Variants in TRAPPC10 observed in about 807,000 individuals in gnomAD.
TRAPPC10 encodes trafficking protein particle complex subunit 10, also known as TRAPP 130 kDa subunit.
A neutral mutation model predicts 125.5 loss-of-function variants in TRAPPC10; 23 were observed. The observed-to-expected ratio is 0.18, with a 90% CI of 0.13 to 0.26. TRAPPC10 has a LOEUF of 0.26. Ranked by LOEUF, TRAPPC10 falls within the 10% of genes least tolerant of loss-of-function variation. TRAPPC10 has a pLI of 1.00. For synonymous variants in TRAPPC10, 509 were observed against 518.0 expected (o/e 0.98, Z 0.24); for missense variants, 1,123 against 1,308.4 (o/e 0.86, Z 2.19).
At chr21:44,072,456 C>G (rs1254211726) in intron 7 of TRAPPC10, among the ~76,000 whole-genome samples, 1 of 152,000 alleles carries the variant, frequency 6.6e-6, no homozygotes, top group Non-Finnish European at 1.5e-5. Context: ...CTCGTGGTCT[C>G]CTAGGAGGTG....
intron 19 of TRAPPC10, 120 bp from the exon 20 acceptor site, chr21:44,093,943 C>T (rs1287377131): frequency 2.6e-5 from 27 of 1,039,022 alleles, no homozygotes; most frequent in South Asian, 2.1e-4. Flanking sequence ...TGCTGTGAGG[C>T]GGGGCCTGCC....
chr21:44,078,479 G>T (rs553877437), intron 11 of TRAPPC10, among the ~76,000 whole-genome samples: 74 of 149,544 alleles, frequency 4.9e-4, no homozygotes, highest in Non-Finnish European at 9.7e-4. Context: ...ATGAGATCTT[G>T]AAATCTGTAC....
chr21:44,076,446 A>G, intron 9 of TRAPPC10, 106 bp from the exon 10 acceptor site: 3 of 812,636 alleles, frequency 3.7e-6, no homozygotes. Context: ...GTAATTTCAC[A>G]AGAGTCAGAT....
intron 2 of TRAPPC10, among the ~76,000 whole-genome samples, chr21:44,033,156 C>T (rs1172363185): frequency 2.0e-5 from 3 of 152,130 alleles, no homozygotes; most frequent in Admixed American, 1.3e-4. Context: ...TGGATTTTGT[C>T]TTGTAACATA....
chr21:44,074,412 C>T lies in TRAPPC10; in HGVS notation c.1127C>T (p.Ala376Val), dbSNP rs779405137. Residue 376 changes from alanine to valine, a missense_variant, in exon 8 of 23, where the codon GCA becomes GTA. Transcript: ENST00000291574. ...AGGATAGAAGGCTGCTGTGACCGGG[C>T]ACAGATCGACTCAAACATTGCCCAC... is the stretch of plus-strand genomic sequence containing the variant. ...LQRIEGCCDR[A>V]QIDSNIAHTV... 1.2e-6 allele frequency: 2 copies of T among 1,614,102 alleles called. No homozygotes were observed. Among genetic ancestry groups the T allele is most frequent in the African/African-American group, 1.3e-5 (1 of 74,926 alleles).
At position 44,089,978 on chromosome 21, in the gene TRAPPC10, T is replaced by C. The variant is rs373597627; in HGVS notation, c.2870+45T>C. 2.7e-6 allele frequency: 4 copies of C among 1,465,528 alleles called. No individual in the cohort carries two copies. The African/African-American group carries it at 5.6e-5, about 20-fold the overall frequency. 90.8% of individuals were successfully genotyped at this position (1,465,528 alleles called of 1,614,324 possible). On this transcript the variant is annotated intron_variant, in intron 18 of 22. Coordinates refer to ENST00000291574, the MANE Select transcript of TRAPPC10 (RefSeq NM_003274.5). ...CGGGCCCTGGCTTCTTTCCCCAGACTCTTCTAAGTGGAGGTTCCTAATGTT... is the reference window on the plus strand; with the variant it reads ...CGGGCCCTGGCTTCTTTCCCCAGACCCTTCTAAGTGGAGGTTCCTAATGTT...
intron 8 of TRAPPC10, 107 bp downstream of exon 8, chr21:44,074,577 G>C: frequency 2.1e-6 from 3 of 1,450,090 alleles, no homozygotes; most frequent in Non-Finnish European, 2.8e-6. Flanking sequence ...TTTAGATCAC[G>C]ATGCATCCAC....
chr21:44,019,264 C>T (rs936137300), intron 1 of TRAPPC10, among the ~76,000 whole-genome samples: 8 of 152,120 alleles, frequency 5.3e-5, no homozygotes, highest in Non-Finnish European at 1.0e-4. Flanking sequence ...TGCCCAGGCA[C>T]GTTTTGAACT....
intron 7 of TRAPPC10, among the ~76,000 whole-genome samples, chr21:44,067,716 G>C (rs2036554792): frequency 6.6e-6 from 1 of 152,188 alleles, no homozygotes; most frequent in Admixed American, 6.5e-5. Context: ...GACTGTAAGG[G>C]AGGGAAAGGC....
intron 3 of TRAPPC10, among the ~76,000 whole-genome samples, chr21:44,042,032 T>C (rs974353822): frequency 5.3e-5 from 8 of 152,190 alleles, no homozygotes; most frequent in African/African-American, 1.9e-4. Context: ...TTTCTTATTT[T>C]GTATATTTGT....
At chr21:44,070,044 TGA>T (rs1214257948) in intron 7 of TRAPPC10, among the ~76,000 whole-genome samples, 1 of 152,028 alleles carries the variant, frequency 6.6e-6, no homozygotes, top group Non-Finnish European at 1.5e-5. Context: ...AAGTTCACGG[TGA>T]AGCTACACCA....
intron 1 of TRAPPC10, among the ~76,000 whole-genome samples, chr21:44,028,763 G>T (rs1325020002): frequency 2.0e-5 from 3 of 152,238 alleles, no homozygotes; most frequent in African/African-American, 4.8e-5. Flanking sequence ...GCAGAACAGT[G>T]AACTGGGTGA....
In TRAPPC10 at chr21:44,086,923, G is replaced by T; in HGVS notation, c.2502G>T (p.Gln834His). ...CCGAAGCCATGCTCATCCTGTGCCA[G>T]GCGGAGAGCAGGGCTGTGGTCTACT... ...SNAEAMLILC[Q>H]AESRAVVYSN... The change falls in exon 16 of 23, where the codon CAG becomes CAT. Residue 834 changes from glutamine (Q) to histidine (H), a missense_variant. Physicochemically the swap from Gln to His is conservative, Grantham distance 24 (BLOSUM62 0). This residue lies in a region of TRAPPC10 where 840 missense variants were observed against 902.0 expected (regional missense o/e 0.93). Coordinates refer to ENST00000291574, the MANE Select transcript of TRAPPC10 (RefSeq NM_003274.5). 6.2e-7 allele frequency: 1 copy of T among 1,614,212 alleles called. No individual in the cohort carries two copies. Among genetic ancestry groups the T allele is most frequent in the Non-Finnish European group, 8.5e-7 (1 of 1,180,042 alleles).
chr21:44,031,088 C>G (rs2033543311), intron 1 of TRAPPC10, among the ~76,000 whole-genome samples: 2 of 152,212 alleles, frequency 1.3e-5, no homozygotes, highest in African/African-American at 4.8e-5. Context: ...GCCTTGCCCA[C>G]TCACCGTGCC....
chr21:44,048,797 G>GTTT (rs34892092), intron 3 of TRAPPC10, among the ~76,000 whole-genome samples: 90 of 105,586 alleles, frequency 8.5e-4, no homozygotes, highest in African/African-American at 2.6e-3. Context: ...CCCACCCTGT[G>GTTT]TTTTTTTTTT....
In TRAPPC10 at chr21:44,063,487, G is replaced by A. The variant is rs756944464; in HGVS notation, c.791-51G>A. 2 of 1,594,022 alleles carry A rather than the reference G, an allele frequency of 1.3e-6. No individual in the cohort carries two copies. The highest frequency in any genetic ancestry group is 2.3e-5 in the South Asian group (2 of 87,466). On this transcript the variant is annotated intron_variant, in intron 6 of 22. Transcript: ENST00000291574. This position sits in a 1 kb window ranked among gnomAD's most constrained non-coding sequence, Gnocchi z 4.4. ...ATCCTCAGCCTGAGCAGGAAGCTCA[G>A]GAAGGTGAAGTACCTGCAATCAGCA...
At chr21:44,030,857 G>T (rs542761001) in intron 1 of TRAPPC10, among the ~76,000 whole-genome samples, 11 of 152,364 alleles carry the variant, frequency 7.2e-5, no homozygotes, top group Admixed American at 3.9e-4. Flanking sequence ...TTAACAAAAT[G>T]TAGTAATAGT....
intron 5 of TRAPPC10, among the ~76,000 whole-genome samples, chr21:44,056,604 A>G (rs1474377730): frequency 6.6e-6 from 1 of 152,216 alleles, no homozygotes; most frequent in Non-Finnish European, 1.5e-5. Flanking sequence ...GTAAAAAATG[A>G]TCATCTCACG....
chr21:44,060,915 T>TACACACACACACACACACAC (rs34848979), intron 6 of TRAPPC10, among the ~76,000 whole-genome samples: 10 of 132,192 alleles, frequency 7.6e-5, no homozygotes, highest in African/African-American at 2.4e-4. Flanking sequence ...CATACATACA[T>TACACACACACACACACACAC]ACACACACAC....
Sources: gnomAD v4.1 joint callset for allele counts (sites outside exome capture counted in the v4.1 genomes callset) on GRCh38, gnomAD v4.1.1 for gene constraint, gnomAD v4.1.1 regional missense constraint, Gnocchi (gnomAD v3.1) non-coding constraint, MANE v1.5 for transcripts, NCBI Gene and HGNC (gene_info 2026-07-23, HGNC 2026-07-21) for gene names.